CDH4: variants seen among roughly 807,000 people sequenced by gnomAD.
CDH4 encodes the protein cadherin-4.
Under a neutral mutation model 86.0 loss-of-function variants are expected in CDH4, and 33 were observed. The observed-to-expected ratio is 0.38, with a 90% CI of 0.29 to 0.51. The LOEUF is 0.51. Ranked by LOEUF, CDH4 falls within the 20% of genes least tolerant of loss-of-function variation. The pLI, the probability that CDH4 is intolerant of heterozygous loss-of-function variation, is 0.86. For synonymous variants in CDH4, 555 were observed against 549.4 expected, an observed-to-expected ratio of 1.01 and a Z score of -0.14; for missense variants, 1,114 against 1,307.4, an observed-to-expected ratio of 0.85 and a Z score of 2.28.
intron 2 of CDH4, among the ~76,000 whole-genome samples, chr20:61,315,839 G>T (rs2084473239): frequency 6.6e-6 from 1 of 152,176 alleles, no homozygotes; most frequent in South Asian, 2.1e-4. Context: ...GAGTAGCTAG[G>T]ACTACAGGTG....
At chr20:61,739,926 G>T (rs1188072629) in intron 2 of CDH4, among the ~76,000 whole-genome samples, 4 of 152,228 alleles carry the variant, frequency 2.6e-5, no homozygotes, top group African/African-American at 9.6e-5. Flanking sequence ...ATAAGTCAGT[G>T]CCAGGCAACA....
intron 13 of CDH4, 73 bp from the exon 14 acceptor site, chr20:61,932,896 TACATGCCCACATAGAC>T (rs2055131005): frequency 6.6e-7 from 1 of 1,522,842 alleles, no homozygotes; most frequent in Non-Finnish European, 8.9e-7. Flanking sequence ...CACCTGCATG[TACATGCCCACATAGAC>T]ACATGGCAAA....
chr20:61,652,534 C>G (rs1246519050), intron 2 of CDH4, among the ~76,000 whole-genome samples: 1 of 152,118 alleles, frequency 6.6e-6, no homozygotes, highest in Non-Finnish European at 1.5e-5. Context: ...GGATGAACAC[C>G]TTTAATCTTT....
chr20:61,557,546 TTGAG>T (rs1465334431), intron 2 of CDH4, among the ~76,000 whole-genome samples: 1 of 152,228 alleles, frequency 6.6e-6, no homozygotes, highest in Non-Finnish European at 1.5e-5. Flanking sequence ...TATAGATTAA[TTGAG>T]TTTCTTCTTG....
chr20:61,286,534 C>T (rs2123175215), intron 2 of CDH4, among the ~76,000 whole-genome samples: 1 of 152,336 alleles, frequency 6.6e-6, no homozygotes, highest in South Asian at 2.1e-4. Context: ...TCAAGAGTAA[C>T]AGCTAATGCT....
At chr20:61,860,074 C>T (rs1208213216) in intron 6 of CDH4, among the ~76,000 whole-genome samples, 4 of 152,344 alleles carry the variant, frequency 2.6e-5, no homozygotes, top group South Asian at 4.1e-4. Context: ...CAGGGGCAGG[C>T]GTCTATGTGG....
chr20:61,598,109 G>A (rs570196482), intron 2 of CDH4, among the ~76,000 whole-genome samples: 55 of 152,216 alleles, frequency 3.6e-4, no homozygotes, highest in African/African-American at 1.3e-3. Flanking sequence ...CAGACACGCC[G>A]GGCACTGTGG....
At chr20:61,432,274 C>G (rs1229409803) in intron 2 of CDH4, among the ~76,000 whole-genome samples, 1 of 152,182 alleles carries the variant, frequency 6.6e-6, no homozygotes, top group Non-Finnish European at 1.5e-5. Flanking sequence ...GCTCCAGTTC[C>G]TCCACATCCT....
rs1202340514 is a variant in CDH4, at chr20:61,902,354, C to T, written c.1188+7307C>T. Among the ~76,000 whole-genome samples the T allele has an allele frequency of 6.6e-6, 1 of 152,262 alleles. No individual in the cohort carries two copies. The highest frequency in any genetic ancestry group is 1.5e-5 in the Non-Finnish European group (1 of 68,046). Reference sequence around the variant, plus strand: ...TTCACCAGCCACGGAGACCCGGGGTCTATGGGCAGTGCCCTAAATGCCAGC... The same window carrying T: ...TTCACCAGCCACGGAGACCCGGGGTTTATGGGCAGTGCCCTAAATGCCAGC... On this transcript the variant is annotated intron_variant, in intron 8 of 15. Transcript: ENST00000614565. This position sits in a 1 kb window ranked among gnomAD's most constrained non-coding sequence, Gnocchi z 4.6.
intron 4 of CDH4, among the ~76,000 whole-genome samples, chr20:61,783,650 C>T (rs1176639254): frequency 1.4e-5 from 2 of 142,744 alleles, no homozygotes; most frequent in Non-Finnish European, 3.1e-5. Flanking sequence ...TTCCTCGGGA[C>T]AGTTCTCGAG....
intron 2 of CDH4, among the ~76,000 whole-genome samples, chr20:61,553,735 T>A (rs1181135712): frequency 6.6e-6 from 1 of 152,234 alleles, no homozygotes; most frequent in African/African-American, 2.4e-5. Flanking sequence ...ATTTTAATTA[T>A]TCTAGAGGGA....
intron 2 of CDH4, among the ~76,000 whole-genome samples, chr20:61,592,744 C>T (rs940205839): frequency 7.2e-5 from 11 of 152,158 alleles, no homozygotes; most frequent in Non-Finnish European, 1.6e-4. Flanking sequence ...TCTTCTGGGC[C>T]ACCCAGCACA....
At chr20:61,545,846 G>T (rs939516223) in intron 2 of CDH4, among the ~76,000 whole-genome samples, 1 of 151,030 alleles carries the variant, frequency 6.6e-6, no homozygotes, top group African/African-American at 2.4e-5. Context: ...GTGTGTGGAG[G>T]GGTATGTGTG....
intron 2 of CDH4, among the ~76,000 whole-genome samples, chr20:61,732,514 A>T (rs2088204247): frequency 6.6e-6 from 1 of 152,138 alleles, no homozygotes; most frequent in African/African-American, 2.4e-5. Flanking sequence ...CTCAGGACCC[A>T]GGGCCTTGCA....
intron 2 of CDH4, among the ~76,000 whole-genome samples, chr20:61,410,118 A>T (rs2085109031): frequency 6.6e-6 from 1 of 152,260 alleles, no homozygotes; most frequent in Non-Finnish European, 1.5e-5. Context: ...GAGATGGGAC[A>T]GGCTAGATGT....
At chr20:61,290,468 C>T (rs952052651) in intron 2 of CDH4, among the ~76,000 whole-genome samples, 2 of 149,288 alleles carry the variant, frequency 1.3e-5, no homozygotes, top group African/African-American at 2.5e-5. Context: ...GATTTATCCC[C>T]GTATCCAATG....
chr20:61,855,902 C>T (rs1019173457), intron 6 of CDH4, among the ~76,000 whole-genome samples: 3 of 152,168 alleles, frequency 2.0e-5, no homozygotes, highest in African/African-American at 4.8e-5. Context: ...CCTGGGGGAT[C>T]GGGAGTCTGT....
intron 2 of CDH4, among the ~76,000 whole-genome samples, chr20:61,642,876 C>T (rs764643700): frequency 8.5e-5 from 13 of 152,260 alleles, no homozygotes; most frequent in Non-Finnish European, 5.9e-5. Flanking sequence ...CTTCCATCCT[C>T]GCATCTCCTA....
chr20:61,514,611 C>G (rs979742942), intron 2 of CDH4, among the ~76,000 whole-genome samples: 1 of 152,186 alleles, frequency 6.6e-6, no homozygotes, highest in Non-Finnish European at 1.5e-5. Context: ...CGGGGCCTAG[C>G]AGGCCCCTAA....
Sources: allele counts gnomAD v4.1 joint callset (sites outside exome capture counted in the v4.1 genomes callset), GRCh38; gene constraint gnomAD v4.1.1; non-coding constraint Gnocchi (gnomAD v3.1); transcripts MANE v1.5; gene names NCBI Gene and HGNC (gene_info 2026-07-23, HGNC 2026-07-21).